Variants in GPM6B observed in about 807,000 individuals in gnomAD.
GPM6B encodes neuronal membrane glycoprotein M6-b.
GPM6B carries 4 observed loss-of-function variants against 27.2 expected under a neutral mutation model. That is an observed-to-expected ratio of 0.15 (90% CI 0.07 to 0.34). The LOEUF is 0.34. Ranked by LOEUF, GPM6B falls within the 10% of genes least tolerant of loss-of-function variation. The pLI, the probability that GPM6B is intolerant of heterozygous loss-of-function variation, is 1.00. For missense variants in GPM6B, 183 were observed against 261.9 expected (o/e 0.70, Z 2.08); for synonymous variants, 124 against 103.1 (o/e 1.20, Z -1.23).
chrX:13,875,028 G>A (rs1420324621), intron 1 of GPM6B, among the ~76,000 whole-genome samples: 2 of 103,375 alleles, frequency 1.9e-5, no homozygotes, highest in African/African-American at 3.6e-5. Context: ...GCCCTATGAT[G>A]CCTGTATTTC....
intron 1 of GPM6B, among the ~76,000 whole-genome samples, chrX:13,896,141 G>T (rs1274330253): frequency 2.0e-5 from 2 of 98,971 alleles, no homozygotes; most frequent in African/African-American, 7.3e-5. Flanking sequence ...GGTGAGTGTA[G>T]TGTCATAATC....
chrX:13,781,271 G>C (rs1324131572), intron 4 of GPM6B, among the ~76,000 whole-genome samples: 1 of 111,339 alleles, frequency 9.0e-6, no homozygotes, highest in Non-Finnish European at 1.9e-5. Context: ...TCCTCAGTGA[G>C]TTCCTGGGCA....
chrX:13,912,730 G>A (rs1200857963), intron 1 of GPM6B, among the ~76,000 whole-genome samples: 1 of 112,538 alleles, frequency 8.9e-6, no homozygotes, highest in Non-Finnish European at 1.9e-5. Flanking sequence ...CTTTTCCTCA[G>A]TGGAAGGTTG....
chrX:13,816,822 C>A, intron 1 of GPM6B, 22 bp downstream of exon 1: 1 of 1,209,221 alleles, frequency 8.3e-7, no homozygotes, highest in Non-Finnish European at 1.1e-6. Flanking sequence ...TTTAAACAGG[C>A]TATTGTCAGA....
rs869123073 is a variant in GPM6B at position 13,787,041 on chromosome X, C to CAAAAAA, written c.182-1239_182-1234dup. On this transcript the variant is annotated intron_variant, in intron 2 of 7. Transcript: ENST00000316715. ...CTTTAGGGCAAGCACATTAAGCCAG[C>CAAAAAA]AAAAAAAAAAAAAAAAAAAAAAAAA... is the stretch of plus-strand genomic sequence containing the variant. Among the ~76,000 whole-genome samples, 147 of 24,507 alleles carry CAAAAAA rather than the reference C, an allele frequency of 6.0e-3. 13 individuals carry two copies. Among genetic ancestry groups the CAAAAAA allele is most frequent in the Admixed American group, 9.3e-3 (12 of 1,295 alleles). The allele number at this position is 24,507 out of a possible 115,157, so 21.3% of individuals were successfully genotyped here. A position where few individuals can be genotyped will look rare whatever the true frequency, so the allele number is the denominator to read the frequency against.
chrX:13,807,817 G>A, intron 1 of GPM6B, 48 bp from the exon 2 acceptor site: 1 of 1,103,872 alleles, frequency 9.1e-7, no homozygotes, highest in Non-Finnish European at 1.2e-6. Flanking sequence ...CTCCAGCAAA[G>A]ATTCTATATC....
intron 1 of GPM6B, among the ~76,000 whole-genome samples, chrX:13,823,992 G>A (rs2049342401): frequency 8.9e-6 from 1 of 112,322 alleles, no homozygotes; most frequent in Admixed American, 9.3e-5. Context: ...CCTCAGCACT[G>A]GTGTCTACTG....
chrX:13,827,395 G>A (rs745705300), intron 1 of GPM6B, among the ~76,000 whole-genome samples: 108 of 106,252 alleles, frequency 1.0e-3, no homozygotes, highest in Non-Finnish European at 1.9e-3. Flanking sequence ...CCATCTGCCT[G>A]TCTCAGCCTC....
chrX:13,824,923 C>T (rs2049354323), intron 1 of GPM6B, among the ~76,000 whole-genome samples: 1 of 112,074 alleles, frequency 8.9e-6, no homozygotes, highest in South Asian at 3.7e-4. Context: ...CATGTTTTCT[C>T]TGAATGCTCT....
chrX:13,806,500 C>T (rs975535994), intron 2 of GPM6B, among the ~76,000 whole-genome samples: 13 of 111,732 alleles, frequency 1.2e-4, no homozygotes, highest in East Asian at 5.6e-4. Flanking sequence ...ATTTAGCCAG[C>T]GCTGCACAGG....
At chrX:13,808,379 G>A (rs947110427) in intron 1 of GPM6B, among the ~76,000 whole-genome samples, 2 of 112,224 alleles carry the variant, frequency 1.8e-5, no homozygotes, top group African/African-American at 6.5e-5. Context: ...AAGGGCTACT[G>A]GTCTTGGGCT....
chrX:13,932,877 CA>C (rs944561180), intron 1 of GPM6B, among the ~76,000 whole-genome samples: 2 of 107,995 alleles, frequency 1.9e-5, no homozygotes, highest in African/African-American at 3.4e-5. Flanking sequence ...AAGCTCAAGG[CA>C]AAAAAAAAGC....
In GPM6B at chrX:13,790,282, C is replaced by T. The variant is rs1047927419; in HGVS notation, c.182-4474G>A. On this transcript the variant is annotated intron_variant, in intron 2 of 7. Transcript: ENST00000316715. ...TTGGATGCTGGCAGCTTCTACTGGGCAACAAGGAAAACTATCAGAGGTCAA... is the reference window on the plus strand; with the variant it reads ...TTGGATGCTGGCAGCTTCTACTGGGTAACAAGGAAAACTATCAGAGGTCAA... Among the ~76,000 whole-genome samples, 4 of 112,105 alleles carry T rather than the reference C, an allele frequency of 3.6e-5. No homozygotes were observed. The Admixed American group carries it at 3.8e-4, about 11-fold the overall frequency.
At chrX:13,850,094 T>C in intron 1 of GPM6B, among the ~76,000 whole-genome samples, 1 of 111,870 alleles carries the variant, frequency 8.9e-6, no homozygotes. Flanking sequence ...TACTATAGTT[T>C]GGATGTTTGT....
At chrX:13,912,038 C>T (rs751762622) in intron 1 of GPM6B, among the ~76,000 whole-genome samples, 3 of 111,746 alleles carry the variant, frequency 2.7e-5, no homozygotes, top group South Asian at 3.8e-4. Context: ...TACCACCAGA[C>T]GCCCTTCCCC....
intron 1 of GPM6B, among the ~76,000 whole-genome samples, chrX:13,907,315 G>C (rs758776662): frequency 1.8e-5 from 2 of 112,259 alleles, no homozygotes; most frequent in Non-Finnish European, 3.8e-5. Context: ...TAAATAATTT[G>C]CTAGTGAGGG....
At chrX:13,928,908 G>T (rs1395734501) in intron 1 of GPM6B, among the ~76,000 whole-genome samples, 1 of 111,975 alleles carries the variant, frequency 8.9e-6, no homozygotes, top group Non-Finnish European at 1.9e-5. Context: ...AGTCTAGGTT[G>T]TGGGGGCTGG....
chrX:13,830,112 T>C (rs2049421636), intron 1 of GPM6B, among the ~76,000 whole-genome samples: 1 of 111,814 alleles, frequency 8.9e-6, no homozygotes, highest in South Asian at 3.8e-4. Flanking sequence ...TACGTGCTCC[T>C]TGCCACCTCA....
intron 1 of GPM6B, among the ~76,000 whole-genome samples, chrX:13,878,563 C>T (rs1412710020): frequency 8.9e-6 from 1 of 111,790 alleles, no homozygotes; most frequent in East Asian, 2.8e-4. Context: ...TTACTAATGT[C>T]ATTATGCAGA....
Sources: allele counts gnomAD v4.1 joint callset (sites outside exome capture counted in the v4.1 genomes callset), GRCh38; gene constraint gnomAD v4.1.1; transcripts MANE v1.5; gene names NCBI Gene and HGNC (gene_info 2026-07-23, HGNC 2026-07-21).